ADCK1: variants seen among roughly 807,000 people sequenced by gnomAD.
ADCK1 encodes aarF domain containing kinase 1, also known as aarF domain-containing protein kinase 1.
A neutral mutation model predicts 52.3 loss-of-function variants in ADCK1; 41 were observed. The ratio of observed to expected loss-of-function variants is 0.78; its 90% CI spans 0.61 to 1.02. The LOEUF is 1.02. Among genes scored for constraint, ADCK1 ranks in the 50% least tolerant of loss-of-function variants. The pLI is 0.00. For synonymous variants in ADCK1, 250 were observed against 274.6 expected (o/e 0.91, Z 0.89); for missense variants, 658 against 679.5 (o/e 0.97, Z 0.35).
At chr14:77,896,143 G>GTA (rs147449088) in intron 5 of ADCK1, among the ~76,000 whole-genome samples, 3,930 of 152,252 alleles carry the variant, frequency 0.026, 156 homozygotes, top group African/African-American at 0.09. Flanking sequence ...ATAATGAATA[G>GTA]TATTAATAAT....
intron 5 of ADCK1, among the ~76,000 whole-genome samples, chr14:77,888,110 C>T (rs1407786801): frequency 6.6e-6 from 1 of 152,012 alleles, no homozygotes; most frequent in East Asian, 1.9e-4. Flanking sequence ...ACAGTCACAG[C>T]GTGTTTGCAC....
intron 4 of ADCK1, among the ~76,000 whole-genome samples, chr14:77,879,641 C>T (rs1302224562): frequency 6.6e-6 from 1 of 152,114 alleles, no homozygotes; most frequent in Non-Finnish European, 1.5e-5. Flanking sequence ...ACTTATGCAG[C>T]GAGAAGTGAC....
intron 3 of ADCK1, among the ~76,000 whole-genome samples, chr14:77,843,481 T>G (rs2082116476): frequency 6.6e-6 from 1 of 152,244 alleles, no homozygotes; most frequent in Non-Finnish European, 1.5e-5. Context: ...GGAAGGGTCC[T>G]CTTCAGCTTT....
chr14:77,818,488 C>T (rs1048658936), intron 1 of ADCK1, among the ~76,000 whole-genome samples: 2 of 152,086 alleles, frequency 1.3e-5, no homozygotes, highest in Admixed American at 1.3e-4. Flanking sequence ...CGTCTTGTTG[C>T]CCAGGCTGGT....
intron 3 of ADCK1, among the ~76,000 whole-genome samples, chr14:77,854,962 G>A (rs1465494243): frequency 6.6e-6 from 1 of 152,130 alleles, no homozygotes; most frequent in Non-Finnish European, 1.5e-5. Context: ...TGCCCTAATT[G>A]CCCCATCATT....
chr14:77,926,847 G>A (rs1013252829), intron 9 of ADCK1, among the ~76,000 whole-genome samples: 7 of 152,124 alleles, frequency 4.6e-5, no homozygotes, highest in Admixed American at 3.3e-4. Flanking sequence ...TTATGGGGGC[G>A]AGCTCATTCC....
intron 4 of ADCK1, among the ~76,000 whole-genome samples, chr14:77,883,424 C>T (rs939342571): frequency 2.8e-4 from 43 of 152,016 alleles, no homozygotes; most frequent in Admixed American, 1.6e-3. Context: ...ATTCTGCTTT[C>T]GGGACAGGGT....
intron 7 of ADCK1, among the ~76,000 whole-genome samples, chr14:77,922,010 C>T (rs1377154494): frequency 1.3e-5 from 2 of 152,226 alleles, no homozygotes; most frequent in Non-Finnish European, 2.9e-5. Flanking sequence ...CACTGCTTAT[C>T]TTGGGCTGAT....
chr14:77,893,581 G>T (rs1173623632), intron 5 of ADCK1, among the ~76,000 whole-genome samples: 1 of 151,954 alleles, frequency 6.6e-6, no homozygotes, highest in Non-Finnish European at 1.5e-5. Context: ...GGACTCTTTG[G>T]CCTGAGCACT....
intron 6 of ADCK1, among the ~76,000 whole-genome samples, chr14:77,906,677 T>G (rs140327203): frequency 6.6e-6 from 1 of 152,344 alleles, no homozygotes; most frequent in Non-Finnish European, 1.5e-5. Flanking sequence ...TTTAAATTTT[T>G]TTATTTTTCC....
At chr14:77,836,645 T>G (rs1352118756) in intron 3 of ADCK1, among the ~76,000 whole-genome samples, 1 of 152,322 alleles carries the variant, frequency 6.6e-6, no homozygotes, top group African/African-American at 2.4e-5. Flanking sequence ...ACCATGCTGC[T>G]GGTGGGAAGC....
chr14:77,932,163 C>G (rs1008175210), intron 10 of ADCK1, among the ~76,000 whole-genome samples: 2 of 152,028 alleles, frequency 1.3e-5, no homozygotes, highest in Non-Finnish European at 2.9e-5. Context: ...ATTCTCCTGC[C>G]TCAGTCTCCC....
chr14:77,909,523 C>T (rs2083744782), intron 7 of ADCK1, among the ~76,000 whole-genome samples: 1 of 152,120 alleles, frequency 6.6e-6, no homozygotes. Context: ...GGAGTTGGCC[C>T]ACAGGAGAAA....
Position 77,925,763 on chromosome 14 carries a change from G to T in ADCK1, c.1009-1G>T, listed in dbSNP as rs750412837. ...TCCCACCGCTGCCGCCTCCACCCTA[G>T]ATGCTCACGGAAGAATTCCGCCTGA... On this transcript the variant is annotated splice_acceptor_variant, in intron 8 of 10. Coordinates refer to ENST00000238561, the MANE Select transcript of ADCK1 (RefSeq NM_020421.4). LOFTEE classifies it high-confidence loss of function. 38 of 1,613,930 alleles carry T rather than the reference G, an allele frequency of 2.4e-5. No individual in the cohort carries two copies. The highest frequency in any genetic ancestry group is 5.0e-5 in the Admixed American group (3 of 60,008).
chr14:77,857,803 T>A (rs2082452798), intron 3 of ADCK1, among the ~76,000 whole-genome samples: 1 of 152,204 alleles, frequency 6.6e-6, no homozygotes, highest in African/African-American at 2.4e-5. Flanking sequence ...CTGAAGAGTA[T>A]AAGTCCATCC....
chr14:77,868,594 G>A (rs2082710725), intron 4 of ADCK1, among the ~76,000 whole-genome samples: 2 of 152,146 alleles, frequency 1.3e-5, no homozygotes, highest in South Asian at 4.1e-4. Context: ...CAGTCCACAG[G>A]CTGCACGTGG....
At chr14:77,915,711 T>G (rs545011421) in intron 7 of ADCK1, among the ~76,000 whole-genome samples, 1 of 152,202 alleles carries the variant, frequency 6.6e-6, no homozygotes, top group East Asian at 1.9e-4. Flanking sequence ...GGGGTCCAGG[T>G]GTATGAGATG....
intron 4 of ADCK1, among the ~76,000 whole-genome samples, chr14:77,882,592 T>TCCCC (rs2083052118): frequency 6.6e-6 from 1 of 152,244 alleles, no homozygotes; most frequent in Non-Finnish European, 1.5e-5. Context: ...GAGGAGCCCC[T>TCCCC]TCCCTGAGGG....
intron 3 of ADCK1, among the ~76,000 whole-genome samples, chr14:77,843,954 C>T (rs1246104847): frequency 1.3e-5 from 2 of 152,184 alleles, no homozygotes; most frequent in Non-Finnish European, 2.9e-5. Flanking sequence ...ACAGAACTTA[C>T]ATTTGGAAAC....
Sources: gnomAD v4.1 joint callset for allele counts (sites outside exome capture counted in the v4.1 genomes callset) on GRCh38, gnomAD v4.1.1 for gene constraint, MANE v1.5 for transcripts, NCBI Gene and HGNC (gene_info 2026-07-23, HGNC 2026-07-21) for gene names.